The following GLG1 variants were observed in gnomAD, a reference collection of about 807,000 sequenced individuals.
GLG1 encodes the protein Golgi apparatus protein 1.
A neutral mutation model predicts 160.5 loss-of-function variants in GLG1; 38 were observed. The observed-to-expected ratio is 0.24, with a 90% CI of 0.18 to 0.31. The LOEUF is 0.31. GLG1 is among the 10% of genes least tolerant of loss of function. The pLI, the probability that GLG1 is intolerant of heterozygous loss-of-function variation, is 1.00. For missense variants in GLG1, 1,373 were observed against 1,505.2 expected (o/e 0.91, Z 1.45); for synonymous variants, 644 against 543.4 (o/e 1.19, Z -2.57).
At chr16:74,518,837 A>C (rs966670365) in intron 2 of GLG1, among the ~76,000 whole-genome samples, 6 of 152,176 alleles carry the variant, frequency 3.9e-5, no homozygotes, top group African/African-American at 1.2e-4. Flanking sequence ...AAGAAACAAC[A>C]GATGCTAAAG....
chr16:74,512,088 C>A (rs2016826094), intron 2 of GLG1, among the ~76,000 whole-genome samples: 1 of 151,998 alleles, frequency 6.6e-6, no homozygotes, highest in Non-Finnish European at 1.5e-5. Context: ...AGCCCACACC[C>A]ATTCTGTCAC....
intron 16 of GLG1, 95 bp downstream of exon 16, chr16:74,469,890 G>A (rs939184502): frequency 2.3e-5 from 19 of 817,828 alleles, no homozygotes; most frequent in Admixed American, 7.0e-5. Flanking sequence ...CTAACCCCAC[G>A]AGGCAGCAGG....
At chr16:74,605,486 G>C (rs77212268) in intron 1 of GLG1, among the ~76,000 whole-genome samples, 1,950 of 152,296 alleles carry the variant, frequency 0.013, 15 homozygotes, top group Admixed American at 0.02. Context: ...AGGAATATTA[G>C]CTGTATCTAC....
At chr16:74,501,909 A>G in intron 4 of GLG1, among the ~76,000 whole-genome samples, 1 of 152,212 alleles carries the variant, frequency 6.6e-6, no homozygotes, top group East Asian at 1.9e-4. Flanking sequence ...GCCAAGCCAC[A>G]GAGTTTTTCA....
At chr16:74,537,511 T>C (rs1225077362) in intron 1 of GLG1, among the ~76,000 whole-genome samples, 1 of 146,238 alleles carries the variant, frequency 6.8e-6, no homozygotes, top group East Asian at 2.0e-4. Flanking sequence ...TGGGAATCCA[T>C]GAACAGGCTT....
intron 1 of GLG1, among the ~76,000 whole-genome samples, chr16:74,542,770 G>GA (rs1555514685): frequency 2.1e-4 from 29 of 138,288 alleles, no homozygotes; most frequent in African/African-American, 5.3e-4. Context: ...AGGAAGGAAG[G>GA]AAGGAAGGAA....
At chr16:74,581,987 C>CT (rs1957948520) in intron 1 of GLG1, among the ~76,000 whole-genome samples, 1 of 151,914 alleles carries the variant, frequency 6.6e-6, no homozygotes, top group Non-Finnish European at 1.5e-5. Context: ...GGCTTGAACC[C>CT]TCTCCTCCTT....
chr16:74,493,764 T>C (rs1368597802), intron 6 of GLG1, among the ~76,000 whole-genome samples: 1 of 152,108 alleles, frequency 6.6e-6, no homozygotes, highest in East Asian at 1.9e-4. Context: ...TGCTGAAAAA[T>C]TAAATAGCTA....
intron 1 of GLG1, among the ~76,000 whole-genome samples, chr16:74,566,375 A>C (rs566211326): frequency 2.0e-5 from 3 of 152,274 alleles, no homozygotes; most frequent in Non-Finnish European, 4.4e-5. Flanking sequence ...TTTTGTCCCC[A>C]AGCCAGTTCT....
intron 1 of GLG1, among the ~76,000 whole-genome samples, chr16:74,572,180 A>G (rs1337116071): frequency 2.6e-5 from 4 of 152,194 alleles, no homozygotes; most frequent in African/African-American, 9.7e-5. Flanking sequence ...GTTGATCACC[A>G]AAGGGCAATG....
Position 74,462,505 on chromosome 16 carries a change from G to A in GLG1, c.2917C>T (p.Leu973=). 6.2e-7 allele frequency: 1 copy of A among 1,613,574 alleles called. No homozygotes were observed. Among genetic ancestry groups the A allele is most frequent in the East Asian group, 2.2e-5 (1 of 44,876 alleles). Residue 973 remains leucine (L), a synonymous_variant, in exon 21 of 26, where the codon CTG becomes TTG. Coordinates refer to ENST00000422840, the MANE Select transcript of GLG1 (RefSeq NM_001145667.2). ...CAGTTTACCTGGTCAGCATATCTCA[G>A]CTTCAGGCAAGAGATGACTTGTCCT... The part of the protein sequence containing the change: ...LEGQVISCLK[L]RYADQRLSSD...
At chr16:74,558,775 A>G (rs1054637178) in intron 1 of GLG1, among the ~76,000 whole-genome samples, 1 of 152,260 alleles carries the variant, frequency 6.6e-6, no homozygotes, top group African/African-American at 2.4e-5. Context: ...AGAAAAGAGA[A>G]GGGCAGATAA....
chr16:74,565,923 G>T (rs960414818), intron 1 of GLG1, among the ~76,000 whole-genome samples: 2 of 152,182 alleles, frequency 1.3e-5, no homozygotes, highest in Admixed American at 6.5e-5. Context: ...ATCCCATCCA[G>T]GATTTAGTCA....
intron 8 of GLG1, among the ~76,000 whole-genome samples, chr16:74,490,795 T>C (rs1469550807): frequency 6.6e-6 from 1 of 152,230 alleles, no homozygotes; most frequent in East Asian, 1.9e-4. Context: ...TTATTGATTA[T>C]GAGCTCAAAC....
intron 1 of GLG1, among the ~76,000 whole-genome samples, chr16:74,561,912 C>T (rs536420405): frequency 1.3e-5 from 2 of 152,280 alleles, no homozygotes; most frequent in Admixed American, 6.5e-5. Flanking sequence ...TGCTCTAAAT[C>T]GCTAAAAATG....
At position 74,469,966 on chromosome 16, in the gene GLG1, A is replaced by T; in HGVS notation, c.2318+19T>A. On this transcript the variant is annotated intron_variant, in intron 16 of 25. Coordinates refer to ENST00000422840, the MANE Select transcript of GLG1 (RefSeq NM_001145667.2). ...AGGAACTTCGGGAAAGTGGAATGAA[A>T]CAACTACAAGCTACATACTTCTTTT... is the stretch of plus-strand genomic sequence containing the variant. 3 of 1,462,434 alleles carry T rather than the reference A, an allele frequency of 2.1e-6. No homozygotes were observed. Among genetic ancestry groups the T allele is most frequent in the Non-Finnish European group, 2.9e-6 (3 of 1,041,298 alleles). 90.6% of individuals were successfully genotyped at this position (1,462,434 alleles called of 1,614,324 possible). A position where few individuals can be genotyped will look rare whatever the true frequency, so the allele number is the denominator to read the frequency against.
chr16:74,452,791 T>G lies in GLG1; in HGVS notation c.*376A>C. On this transcript the variant is annotated 3_prime_UTR_variant, in exon 26 of 26. Coordinates refer to ENST00000422840, the MANE Select transcript of GLG1 (RefSeq NM_001145667.2). ...GGAGGAGATGCGTTACTATATACAT[T>G]TTTTTCTTTAAAAAAATTTTTTTTT... is the stretch of plus-strand genomic sequence containing the variant. 1.0e-6 allele frequency: 1 copy of G among 999,190 alleles called. No individual in the cohort carries two copies. Among genetic ancestry groups the G allele is most frequent in the Non-Finnish European group, 1.2e-6 (1 of 838,402 alleles). The allele number at this position is 999,190 out of a possible 1,614,324, so 61.9% of individuals were successfully genotyped here.
intron 1 of GLG1, among the ~76,000 whole-genome samples, chr16:74,567,916 T>A (rs1188678287): frequency 6.6e-6 from 1 of 152,104 alleles, no homozygotes; most frequent in African/African-American, 2.4e-5. Context: ...GGCTTTCTTT[T>A]GGGGATTCAC....
Position 74,452,644 on chromosome 16 carries a change from TTC to T in GLG1, c.*521_*522del, listed in dbSNP as rs1248913144. On this transcript the variant is annotated 3_prime_UTR_variant, in exon 26 of 26. Transcript: ENST00000422840. ...CGGCCCTGGCGAGGCCCCAAGGTGC[TTC>T]TGAGAGATGAACGAGACACCTCAGT... is the stretch of plus-strand genomic sequence containing the variant. 2.0e-6 allele frequency: 2 copies of T among 997,560 alleles called. No individual in the cohort carries two copies. Among genetic ancestry groups the T allele is most frequent in the Non-Finnish European group, 2.4e-6 (2 of 836,690 alleles). 61.8% of individuals were successfully genotyped at this position (997,560 alleles called of 1,614,324 possible).
Sources: allele counts gnomAD v4.1 joint callset (sites outside exome capture counted in the v4.1 genomes callset), GRCh38; gene constraint gnomAD v4.1.1; transcripts MANE v1.5; gene names NCBI Gene and HGNC (gene_info 2026-07-23, HGNC 2026-07-21).